Variants in HS6ST3 observed in about 807,000 individuals in gnomAD.
HS6ST3 encodes heparan sulfate 6-O-sulfotransferase 3.
In HS6ST3, 12 loss-of-function variants were observed where a neutral mutation model predicts 36.7. That is an observed-to-expected ratio of 0.33 (90% confidence interval 0.21 to 0.53). The LOEUF is 0.53. HS6ST3 is among the 20% of genes least tolerant of loss of function. The pLI, the probability that HS6ST3 is intolerant of heterozygous loss-of-function variation, is 0.95. For synonymous variants in HS6ST3, 240 were observed against 257.5 expected (o/e 0.93, Z 0.65); for missense variants, 584 against 640.9 (o/e 0.91, Z 0.96).
intron 1 of HS6ST3, among the ~76,000 whole-genome samples, chr13:96,303,427 T>C (rs2054893394): frequency 6.6e-6 from 1 of 152,178 alleles, no homozygotes; most frequent in South Asian, 2.1e-4. Flanking sequence ...GGGCTAAGTG[T>C]TGCTTTTTTG....
chr13:96,656,587 G>A (rs2056625706), intron 1 of HS6ST3, among the ~76,000 whole-genome samples: 2 of 152,148 alleles, frequency 1.3e-5, no homozygotes, highest in African/African-American at 4.8e-5. Context: ...GAAGAAATGT[G>A]TTTAGGGCCA....
chr13:96,261,127 G>T lies in HS6ST3; in HGVS notation c.707+169558G>T, dbSNP rs145674188. On this transcript the variant is annotated intron_variant, in intron 1 of 1. Transcript: ENST00000376705. The stretch of plus-strand genomic sequence containing the variant: ...ATTCATTATTTTAAAAAATGTCTTT[G>T]AATTGTATCTTAAAAGTTTTATATT... Among the ~76,000 whole-genome samples the T allele has an allele frequency of 1.5e-3, 235 of 151,908 alleles. 6 individuals carry two copies. In the South Asian group the frequency reaches 0.023, roughly 15 times the overall value.
rs552051390 is a variant in HS6ST3 at position 96,103,068 on chromosome 13, G to A, written c.707+11499G>A. 2.0e-5 allele frequency among the ~76,000 whole-genome samples: 3 copies of A among 152,076 alleles called. No individual in the cohort carries two copies. In the South Asian group the frequency reaches 6.2e-4, roughly 32 times the overall value. On this transcript the variant is annotated intron_variant, in intron 1 of 1. Coordinates refer to ENST00000376705, the MANE Select transcript of HS6ST3 (RefSeq NM_153456.4). ...CATGATTCTCTTTTTTTGAGAAGGG[G>A]GTGGAGGGGCCGGTTTTCCCTAACC...
chr13:96,136,260 A>G (rs2054000958), intron 1 of HS6ST3, among the ~76,000 whole-genome samples: 1 of 152,210 alleles, frequency 6.6e-6, no homozygotes, highest in African/African-American at 2.4e-5. Context: ...TTATTCTTCT[A>G]TAAAACAATA....
At chr13:96,576,006 TGTG>T (rs2056319215) in intron 1 of HS6ST3, among the ~76,000 whole-genome samples, 1 of 152,138 alleles carries the variant, frequency 6.6e-6, no homozygotes, top group Admixed American at 6.5e-5. Context: ...TAAAAGTTGA[TGTG>T]GTGATGGTGT....
In HS6ST3 at chr13:96,654,858, C is replaced by T. The variant is rs34007672; in HGVS notation, c.708-177632C>T. Reference sequence around the variant, plus strand: ...ATCAATTTAAGAACACACACTCTATCTGTATTACTTTTACACATTCTAGAT... The same window carrying T: ...ATCAATTTAAGAACACACACTCTATTTGTATTACTTTTACACATTCTAGAT... On this transcript the variant is annotated intron_variant, in intron 1 of 1. Coordinates refer to ENST00000376705, the MANE Select transcript of HS6ST3 (RefSeq NM_153456.4). 4.4e-3 allele frequency among the ~76,000 whole-genome samples: 671 copies of T among 152,258 alleles called. 2 individuals carry two copies. The highest frequency in any genetic ancestry group is 7.3e-3 in the Admixed American group (111 of 15,274).
intron 1 of HS6ST3, among the ~76,000 whole-genome samples, chr13:96,218,460 C>T (rs149346482): frequency 9.9e-5 from 15 of 152,254 alleles, no homozygotes; most frequent in Non-Finnish European, 1.6e-4. Flanking sequence ...GATCTGGCAG[C>T]GAATGGCTGT....
chr13:96,572,060 T>G (rs922315674), intron 1 of HS6ST3, among the ~76,000 whole-genome samples: 5 of 152,190 alleles, frequency 3.3e-5, no homozygotes, highest in Admixed American at 1.3e-4. Context: ...CTAGAAAGCC[T>G]TGTAGAGGAG....
chr13:96,588,418 C>G (rs1011083274), intron 1 of HS6ST3, among the ~76,000 whole-genome samples: 15 of 152,084 alleles, frequency 9.9e-5, no homozygotes, highest in African/African-American at 3.4e-4. Flanking sequence ...CATACCTAAT[C>G]TGTTGAGAAT....
At chr13:96,112,515 T>G (rs532219015) in intron 1 of HS6ST3, among the ~76,000 whole-genome samples, 1 of 143,982 alleles carries the variant, frequency 6.9e-6, no homozygotes, top group Non-Finnish European at 1.5e-5. Flanking sequence ...GGTGGAATGC[T>G]TGAATCCAGG....
At chr13:96,150,074 G>T (rs1210282115) in intron 1 of HS6ST3, among the ~76,000 whole-genome samples, 1 of 152,180 alleles carries the variant, frequency 6.6e-6, no homozygotes, top group East Asian at 1.9e-4. Context: ...AGCTTGGCGA[G>T]TTCCAGGTTC....
At chr13:96,735,388 T>C (rs578030551) in intron 1 of HS6ST3, among the ~76,000 whole-genome samples, 1 of 152,310 alleles carries the variant, frequency 6.6e-6, no homozygotes, top group Non-Finnish European at 1.5e-5. Flanking sequence ...GTTATCAGAA[T>C]GGAAACTTGT....
chr13:96,699,264 C>T (rs1490344992), intron 1 of HS6ST3, among the ~76,000 whole-genome samples: 1 of 152,126 alleles, frequency 6.6e-6, no homozygotes, highest in East Asian at 1.9e-4. Context: ...TCTAACTAAA[C>T]TAAAGAGCTT....
chr13:96,175,533 G>A (rs1439601230), intron 1 of HS6ST3, among the ~76,000 whole-genome samples: 2 of 150,566 alleles, frequency 1.3e-5, no homozygotes, highest in African/African-American at 2.4e-5. Context: ...CCTTTTTTTT[G>A]TTCTTTTTTT....
At chr13:96,345,446 G>A (rs1326654892) in intron 1 of HS6ST3, among the ~76,000 whole-genome samples, 1 of 152,110 alleles carries the variant, frequency 6.6e-6, no homozygotes, top group Non-Finnish European at 1.5e-5. Context: ...GTATGAAGAT[G>A]TTATGTTGCT....
chr13:96,528,925 T>C (rs1361985376), intron 1 of HS6ST3, among the ~76,000 whole-genome samples: 1 of 152,098 alleles, frequency 6.6e-6, no homozygotes, highest in African/African-American at 2.4e-5. Context: ...TATGAAACAA[T>C]GGCACCCTTT....
At chr13:96,541,789 T>C (rs561470339) in intron 1 of HS6ST3, among the ~76,000 whole-genome samples, 6 of 152,320 alleles carry the variant, frequency 3.9e-5, no homozygotes, top group Non-Finnish European at 8.8e-5. Flanking sequence ...CTTGCAACTA[T>C]GATGCCCAAA....
intron 1 of HS6ST3, among the ~76,000 whole-genome samples, chr13:96,342,740 A>G (rs1195117879): frequency 6.6e-6 from 1 of 152,148 alleles, no homozygotes; most frequent in African/African-American, 2.4e-5. Context: ...TATCAGCTAA[A>G]AATTTCACCC....
At chr13:96,176,536 C>G (rs536209109) in intron 1 of HS6ST3, among the ~76,000 whole-genome samples, 1 of 149,458 alleles carries the variant, frequency 6.7e-6, no homozygotes, top group Admixed American at 6.6e-5. Flanking sequence ...TTGAAGTGGT[C>G]TTGCCAAAAA....
Sources: allele counts gnomAD v4.1 joint callset (sites outside exome capture counted in the v4.1 genomes callset), GRCh38; gene constraint gnomAD v4.1.1; transcripts MANE v1.5; gene names NCBI Gene and HGNC (gene_info 2026-07-23, HGNC 2026-07-21).